Variants in ARL5C observed in about 807,000 individuals in gnomAD.
ARL5C encodes the protein putative ADP-ribosylation factor-like protein 5C.
A neutral mutation model predicts 20.8 loss-of-function variants in ARL5C; 21 were observed. The ratio of observed to expected loss-of-function variants is 1.01; its 90% CI spans 0.72 to 1.46. ARL5C has a LOEUF of 1.46. Among genes scored for constraint, ARL5C ranks in the 40% most tolerant of loss-of-function variants. The probability of loss-of-function intolerance (pLI) is 0.00; values close to 1 mark genes in which losing one functional copy is unlikely to be tolerated. For synonymous variants in ARL5C, 71 were observed against 81.6 expected (o/e 0.87, Z 0.70); for missense variants, 199 against 225.1 (o/e 0.88, Z 0.74).
intron 1 of ARL5C, 119 bp from the exon 2 acceptor site, chr17:39,165,258 C>T (rs1487722339): frequency 6.1e-6 from 6 of 982,916 alleles, no homozygotes; most frequent in Non-Finnish European, 9.2e-6. Flanking sequence ...GACCTCTGCC[C>T]ACCGTACCGC....
At chr17:39,163,004 G>T in intron 2 of ARL5C, 146 bp from the exon 3 acceptor site, 1 of 944,322 alleles carries the variant, frequency 1.1e-6, no homozygotes, top group Non-Finnish European at 1.5e-6. Context: ...GCCAGGCCCC[G>T]TGCTGGGCCC....
chr17:39,165,777 G>C lies in ARL5C; in HGVS notation c.-17C>G. 1.3e-6 allele frequency: 2 copies of C among 1,551,764 alleles called. No homozygotes were observed. The highest frequency in any genetic ancestry group is 1.7e-6 in the Non-Finnish European group (2 of 1,146,996). On this transcript the variant is annotated 5_prime_UTR_variant, in exon 1 of 6. Transcript: ENST00000269586. ...CTGTCCCATGGCACTTCCCGGGCCGGACAGGTGCAGGAGGGCTCAGCGGCC... is the reference window on the plus strand; with the variant it reads ...CTGTCCCATGGCACTTCCCGGGCCGCACAGGTGCAGGAGGGCTCAGCGGCC...
intron 5 of ARL5C, among the ~76,000 whole-genome samples, chr17:39,159,220 T>G (rs1231425487): frequency 2.2e-5 from 3 of 134,112 alleles, no homozygotes; most frequent in Non-Finnish European, 3.2e-5. Context: ...TTTTTTTTTG[T>G]AAAGACAGAG....
At chr17:39,159,633 T>C (rs1156994233) in intron 5 of ARL5C, among the ~76,000 whole-genome samples, 1 of 152,168 alleles carries the variant, frequency 6.6e-6, no homozygotes, top group Non-Finnish European at 1.5e-5. Context: ...TTCTTGTTTA[T>C]CATCTGCCTC....
intron 4 of ARL5C, 61 bp from the exon 5 acceptor site, chr17:39,160,803 C>G (rs1269564492): frequency 5.9e-6 from 9 of 1,529,672 alleles, no homozygotes; most frequent in Non-Finnish European, 7.9e-6. Flanking sequence ...CTTCCTACTG[C>G]CTCACAGGCG....
At chr17:39,157,082 T>C in intron 5 of ARL5C, 140 bp from the exon 6 acceptor site, 1 of 936,318 alleles carries the variant, frequency 1.1e-6, no homozygotes, top group Non-Finnish European at 1.6e-6. Flanking sequence ...ATGAACTGGC[T>C]TGAGTATCTG....
chr17:39,158,129 G>GAGGAAGGA (rs1175373148), intron 5 of ARL5C, among the ~76,000 whole-genome samples: 17 of 94,556 alleles, frequency 1.8e-4, no homozygotes, highest in Non-Finnish European at 3.6e-4. Flanking sequence ...GGGAGGGAGG[G>GAGGAAGGA]AGGAAGGAAG....
At chr17:39,164,186 A>C (rs1180971430) in intron 2 of ARL5C, 1 of 152,094 alleles carries the variant, frequency 6.6e-6, no homozygotes, top group East Asian at 1.9e-4. Context: ...GGCCTCCCAA[A>C]GTGCTGCGAT....
chr17:39,158,219 G>T (rs928562129), intron 5 of ARL5C, among the ~76,000 whole-genome samples: 33 of 152,140 alleles, frequency 2.2e-4, no homozygotes, highest in Non-Finnish European at 4.4e-4. Flanking sequence ...ACTGACTGTG[G>T]GTTGTGGAAG....
intron 1 of ARL5C, chr17:39,165,373 C>G: frequency 1.7e-6 from 1 of 591,458 alleles, no homozygotes; most frequent in Non-Finnish European, 3.0e-6. Context: ...CTGAAAGGCC[C>G]GGGGCGCTTC....
chr17:39,159,644 C>T (rs546496383), intron 5 of ARL5C, among the ~76,000 whole-genome samples: 144 of 152,248 alleles, frequency 9.5e-4, no homozygotes, highest in Non-Finnish European at 1.6e-3. Context: ...CATCTGCCTC[C>T]CCTACCGGAA....
intron 5 of ARL5C, among the ~76,000 whole-genome samples, chr17:39,159,297 CTT>C (rs71141776): frequency 0.077 from 8,546 of 111,664 alleles, 332 homozygotes; most frequent in East Asian, 0.18. Flanking sequence ...TTCTTTCTTT[CTT>C]TTTTTTTTTT....
intron 2 of ARL5C, among the ~76,000 whole-genome samples, chr17:39,163,380 T>TTCTTTCTTTCTTTCTTTCTG (rs2045446230): frequency 7.5e-6 from 1 of 133,368 alleles, no homozygotes; most frequent in Non-Finnish European, 1.5e-5. Flanking sequence ...CTTTCTTTCT[T>TTCTTTCTTTCTTTCTTTCTG]TCTTTCTTTC....
rs1320902718 is a variant in ARL5C at position 39,156,955 on chromosome 17, A to G, written c.492-13T>C. On this transcript the variant is annotated splice_polypyrimidine_tract_variant and intron_variant, in intron 5 of 5. Transcript: ENST00000269586. ...TCTGGCAGGCAGCCTGCAGGGAGGA[A>G]GGAACAGGAGGGGTCAGCCTAACCC... 6.4e-7 allele frequency: 1 copy of G among 1,551,716 alleles called. No homozygotes were observed. Among genetic ancestry groups the G allele is most frequent in the East Asian group, 2.4e-5 (1 of 41,072 alleles).
chr17:39,161,390 C>T, intron 3 of ARL5C, 39 bp from the exon 4 acceptor site: 1 of 1,536,186 alleles, frequency 6.5e-7, no homozygotes. Context: ...CAGGCTTTCT[C>T]TTTGGTAAAT....
At chr17:39,157,385 T>A (rs1049008388) in intron 5 of ARL5C, among the ~76,000 whole-genome samples, 1 of 152,150 alleles carries the variant, frequency 6.6e-6, no homozygotes, top group East Asian at 1.9e-4. Flanking sequence ...CCTACGCAAG[T>A]TCCCCCATTA....
Position 39,162,595 on chromosome 17 carries a change from C to T in ARL5C, c.255+116G>A, listed in dbSNP as rs527282329. The T allele has an allele frequency of 6.4e-5, 84 of 1,306,588 alleles. 2 individuals are homozygous for T. In the South Asian group the frequency reaches 1.1e-3, roughly 18 times the overall value. 80.9% of individuals were successfully genotyped at this position (1,306,588 alleles called of 1,614,324 possible). A position where few individuals can be genotyped will look rare whatever the true frequency, so the allele number is the denominator to read the frequency against. On this transcript the variant is annotated intron_variant, in intron 3 of 5. Coordinates refer to ENST00000269586, the MANE Select transcript of ARL5C (RefSeq NM_001143968.1). ...GGATTACAGGTGTGAGCCACAGGAA[C>T]CGACCATTATAATCTCTATTTCACA...
chr17:39,160,947 A>G (rs750408), intron 4 of ARL5C, among the ~76,000 whole-genome samples: 6,906 of 152,306 alleles, frequency 0.045, 181 homozygotes, highest in Middle Eastern at 0.061. Flanking sequence ...CTTTATGACA[A>G]TCCCATAGGT....
intron 2 of ARL5C, 22 bp downstream of exon 2, chr17:39,165,057 T>C (rs756360578): frequency 1.9e-6 from 3 of 1,548,252 alleles, no homozygotes; most frequent in South Asian, 1.2e-5. Context: ...CTCTCTACCC[T>C]CCCCGCCCGA....
Sources: gnomAD v4.1 joint callset for allele counts (sites outside exome capture counted in the v4.1 genomes callset) on GRCh38, gnomAD v4.1.1 for gene constraint, MANE v1.5 for transcripts, NCBI Gene and HGNC (gene_info 2026-07-23, HGNC 2026-07-21) for gene names.